The following RALGAPB variants were observed in gnomAD, a reference collection of about 807,000 sequenced individuals.
The protein encoded by RALGAPB is ral GTPase-activating protein subunit beta.
Under a neutral mutation model 161.1 loss-of-function variants are expected in RALGAPB, and 25 were observed. The ratio of observed to expected loss-of-function variants is 0.16; its 90% CI spans 0.11 to 0.22. The LOEUF is 0.22. RALGAPB is among the 10% of genes least tolerant of loss of function. The probability of loss-of-function intolerance (pLI) is 1.00; values close to 1 mark genes in which losing one functional copy is unlikely to be tolerated. For missense variants in RALGAPB, 1,391 were observed against 1,815.2 expected (o/e 0.77, Z 4.25); for synonymous variants, 629 against 626.1 (o/e 1.00, Z -0.07).
Position 38,539,804 on chromosome 20 carries a change from G to C in RALGAPB, c.2408G>C (p.Arg803Pro). 6.2e-7 allele frequency: 1 copy of C among 1,613,832 alleles called. No homozygotes were observed. The highest frequency in any genetic ancestry group is 8.5e-7 in the Non-Finnish European group (1 of 1,179,866). The change falls in exon 17 of 30, where the codon CGG becomes CCG. Residue 803 changes from arginine to proline, a missense_variant. Around this residue, in one of 3 missense-constraint regions of RALGAPB, gnomAD observed 946 missense variants for 1,257.2 expected, o/e 0.75. Coordinates refer to ENST00000262879, the MANE Select transcript of RALGAPB (RefSeq NM_020336.4). ...KVKVMVDSGD[R>P]KRAISSVCTY... ...AAAGTGATGGTTGACTCAGGAGACCGGAAGCGAGCCATCAGTTCTGTGTGC... is the reference window on the plus strand; with the variant it reads ...AAAGTGATGGTTGACTCAGGAGACCCGAAGCGAGCCATCAGTTCTGTGTGC...
intron 25 of RALGAPB, 62 bp downstream of exon 25, chr20:38,565,540 T>C (rs2087965231): frequency 1.3e-6 from 2 of 1,557,532 alleles, no homozygotes; most frequent in East Asian, 4.5e-5. Context: ...GGTTGTGTGA[T>C]ATTACTGCAT....
At chr20:38,495,043 C>G (rs2085383486) in intron 3 of RALGAPB, among the ~76,000 whole-genome samples, 1 of 152,200 alleles carries the variant, frequency 6.6e-6, no homozygotes, top group African/African-American at 2.4e-5. Context: ...AATTAGAGTT[C>G]TCTTCCTGGC....
At chr20:38,554,814 A>T (rs911328596) in intron 22 of RALGAPB, among the ~76,000 whole-genome samples, 9 of 152,212 alleles carry the variant, frequency 5.9e-5, no homozygotes, top group African/African-American at 2.2e-4. Flanking sequence ...GCGGTGGCTT[A>T]TGCCTATAAT....
Position 38,497,508 on chromosome 20 carries a change from C to A in RALGAPB, c.545C>A (p.Thr182Asn). The A allele has an allele frequency of 6.2e-7, 1 of 1,607,738 alleles. No individual in the cohort carries two copies. The highest frequency in any genetic ancestry group is 8.5e-7 in the Non-Finnish European group (1 of 1,178,158). Residue 182 changes from threonine (T) to asparagine (N), a missense_variant, in exon 4 of 30, where the codon ACT becomes AAT. Physicochemically the swap from Thr to Asn is moderately conservative, Grantham distance 65. Transcript: ENST00000262879. ...AACGACATACTTCTGGCCCCACCAA[C>A]TGTTCAAGGTTTGTTTATTTTTTTT... ...QINDILLAPP[T>N]VQGGIAENLA...
intron 13 of RALGAPB, among the ~76,000 whole-genome samples, chr20:38,530,477 A>C (rs908646832): frequency 1.3e-5 from 2 of 151,746 alleles, no homozygotes; most frequent in African/African-American, 2.4e-5. Context: ...TCTGGTCTCA[A>C]ACTCCTAGGA....
intron 18 of RALGAPB, among the ~76,000 whole-genome samples, chr20:38,543,305 C>A (rs928565883): frequency 7.9e-5 from 12 of 152,302 alleles, no homozygotes; most frequent in Non-Finnish European, 1.6e-4. Context: ...TCTGATTTAT[C>A]TTTCTGTCAT....
At chr20:38,503,740 A>G (rs1026305325) in intron 5 of RALGAPB, among the ~76,000 whole-genome samples, 1 of 152,260 alleles carries the variant, frequency 6.6e-6, no homozygotes, top group Non-Finnish European at 1.5e-5. Flanking sequence ...GTAAAATGCT[A>G]TGAAATGGCA....
rs1018540288 is a variant in RALGAPB at position 38,553,930 on chromosome 20, C to G, written c.3226C>G (p.Leu1076Val). The change falls in exon 22 of 30, where the codon CTT becomes GTT. Residue 1076 changes from leucine (L) to valine (V), a missense_variant. Around this residue, in one of 3 missense-constraint regions of RALGAPB, gnomAD observed 436 missense variants for 527.0 expected, o/e 0.83. Transcript: ENST00000262879. ...MAQQIAYEIH[L>V]EQQSEEELQK... ...CCAGCAGATTGCTTATGAAATACAC[C>G]TTGAGCAACAGAGTGAGGAGGAATT... The G allele has an allele frequency of 6.2e-7, 1 of 1,613,494 alleles. No individual in the cohort carries two copies. The highest frequency in any genetic ancestry group is 8.5e-7 in the Non-Finnish European group (1 of 1,179,734).
At chr20:38,529,250 G>T (rs1185790389) in intron 13 of RALGAPB, among the ~76,000 whole-genome samples, 1 of 152,204 alleles carries the variant, frequency 6.6e-6, no homozygotes, top group South Asian at 2.1e-4. Flanking sequence ...CTGGAGAAAA[G>T]AATATTTTAT....
At chr20:38,493,190 C>T (rs962013224) in intron 3 of RALGAPB, 58 bp downstream of exon 3, 96 of 1,381,198 alleles carry the variant, frequency 7.0e-5, no homozygotes, top group Non-Finnish European at 8.0e-5. Flanking sequence ...TATTCATAAA[C>T]GTTACTATAG....
intron 6 of RALGAPB, among the ~76,000 whole-genome samples, chr20:38,510,568 GTAT>G (rs544981104): frequency 6.3e-4 from 96 of 152,256 alleles, no homozygotes; most frequent in African/African-American, 2.2e-3. Flanking sequence ...TTTGGATTGT[GTAT>G]TATTTAGGGT....
At chr20:38,499,858 C>T in intron 5 of RALGAPB, 1 of 334,700 alleles carries the variant, frequency 3.0e-6, no homozygotes, top group Non-Finnish European at 5.3e-6. Context: ...TTATACCCTA[C>T]TTCCCCCACA....
At position 38,548,727 on chromosome 20, in the gene RALGAPB, A is replaced by G; in HGVS notation, c.2941A>G (p.Met981Val). Residue 981 changes from methionine (M) to valine (V), a missense_variant, in exon 20 of 30, where the codon ATG (methionine) becomes GTG (valine). Around this residue, in one of 3 missense-constraint regions of RALGAPB, gnomAD observed 946 missense variants for 1,257.2 expected, o/e 0.75. Transcript: ENST00000262879. ...FPSVTVLVRG[M>V]SGRLAWAQQL... ...CTCTGTCACTGTGCTGGTCCGGGGA[A>G]TGTCTGGAAGACTTGCTTGGGCACA... The G allele has an allele frequency of 6.2e-7, 1 of 1,614,056 alleles. No homozygotes were observed. The highest frequency in any genetic ancestry group is 8.5e-7 in the Non-Finnish European group (1 of 1,179,920).
intron 1 of RALGAPB, among the ~76,000 whole-genome samples, chr20:38,484,901 G>A (rs1219395521): frequency 1.3e-5 from 2 of 152,044 alleles, no homozygotes; most frequent in East Asian, 1.9e-4. Context: ...TTCCATGTTG[G>A]TCAGGCTAGT....
rs539626534 is a variant in RALGAPB, at chr20:38,503,721, C to T, written c.740+4088C>T. On this transcript the variant is annotated intron_variant, in intron 5 of 29. Transcript: ENST00000262879. ...ATTGACTCCGATTTTGAAAGAAGTT[C>T]TACTATGGGTAAAATGCTATGAAAT... is the stretch of plus-strand genomic sequence containing the variant. Among the ~76,000 whole-genome samples, 22 of 152,272 alleles carry T rather than the reference C, an allele frequency of 1.4e-4. No individual in the cohort carries two copies. The East Asian group carries it at 4.2e-3, about 29-fold the overall frequency.
At chr20:38,485,220 A>G (rs1329637435) in intron 1 of RALGAPB, among the ~76,000 whole-genome samples, 1 of 152,158 alleles carries the variant, frequency 6.6e-6, no homozygotes, top group Non-Finnish European at 1.5e-5. Context: ...ATAATTGTTC[A>G]TTGTGCAGGA....
rs1466924282 is a variant in RALGAPB, at chr20:38,488,594, G to A, written c.162G>A (p.Glu54=). The A allele has an allele frequency of 6.2e-7, 1 of 1,612,366 alleles. No individual in the cohort carries two copies. The highest frequency in any genetic ancestry group is 2.2e-5 in the East Asian group (1 of 44,874). Residue 54 remains glutamate, a synonymous_variant, in exon 2 of 30, where the codon GAG becomes GAA. Transcript: ENST00000262879. ...VLGTPSVAGS[E]NLLKTDKEVK... is the part of the protein sequence containing the mutation. ...GTACCCCTTCAGTGGCTGGTAGTGAGAATTTGTTAAAAACTGACAAAGAAG... is the reference window on the plus strand; with the variant it reads ...GTACCCCTTCAGTGGCTGGTAGTGAAAATTTGTTAAAAACTGACAAAGAAG...
chr20:38,489,336 G>A (rs903139718), intron 2 of RALGAPB, among the ~76,000 whole-genome samples: 1 of 152,006 alleles, frequency 6.6e-6, no homozygotes, highest in Non-Finnish European at 1.5e-5. Flanking sequence ...ATGCCACCAC[G>A]CCAGGCTAAT....
chr20:38,566,515 A>G (rs1265801782), intron 25 of RALGAPB, among the ~76,000 whole-genome samples: 1 of 152,072 alleles, frequency 6.6e-6, no homozygotes, highest in Non-Finnish European at 1.5e-5. Context: ...AACATCTCCT[A>G]TGCCAACTGT....
Sources: gnomAD v4.1 joint callset for allele counts (sites outside exome capture counted in the v4.1 genomes callset) on GRCh38, gnomAD v4.1.1 for gene constraint, gnomAD v4.1.1 regional missense constraint, MANE v1.5 for transcripts, NCBI Gene and HGNC (gene_info 2026-07-23, HGNC 2026-07-21) for gene names.